PAN3: variants seen among roughly 807,000 people sequenced by gnomAD.
The protein encoded by PAN3 is PAN2-PAN3 deadenylation complex subunit PAN3.
Under a neutral mutation model 96.2 loss-of-function variants are expected in PAN3, and 19 were observed. The ratio of observed to expected loss-of-function variants is 0.20; its 90% confidence interval spans 0.14 to 0.29. The LOEUF (loss-of-function observed/expected upper bound fraction) is 0.29, where lower values mean the gene tolerates loss of function less well. Ranked by LOEUF, PAN3 falls within the 10% of genes least tolerant of loss-of-function variation. The pLI is 1.00. For synonymous variants in PAN3, 433 were observed against 406.6 expected (o/e 1.06, Z -0.78); for missense variants, 882 against 1,108.1 (o/e 0.80, Z 2.90).
At chr13:28,206,078 G>C (rs1475021098) in intron 5 of PAN3, among the ~76,000 whole-genome samples, 3 of 151,836 alleles carry the variant, frequency 2.0e-5, no homozygotes, top group Admixed American at 2.0e-4. Context: ...TAACTTATAA[G>C]CATTCCATGT....
At chr13:28,261,339 A>C in intron 8 of PAN3, 62 bp from the exon 9 acceptor site, 1 of 1,168,570 alleles carries the variant, frequency 8.6e-7, no homozygotes, top group Non-Finnish European at 1.2e-6. Context: ...ATTTAATTAT[A>C]ATAGGAATTC....
At chr13:28,200,398 T>C (rs1878555720) in intron 5 of PAN3, among the ~76,000 whole-genome samples, 1 of 152,184 alleles carries the variant, frequency 6.6e-6, no homozygotes, top group Admixed American at 6.5e-5. Context: ...CATCTTGGTC[T>C]TTTTCTACTT....
intron 1 of PAN3, among the ~76,000 whole-genome samples, chr13:28,141,889 C>G (rs1463204782): frequency 6.6e-6 from 1 of 152,096 alleles, no homozygotes; most frequent in Non-Finnish European, 1.5e-5. Flanking sequence ...AGCAGTGGCT[C>G]AAAGGTGGGA....
chr13:28,197,131 G>T lies in PAN3; in HGVS notation c.691-54G>T, dbSNP rs1193515919. The T allele has an allele frequency of 3.8e-6, 6 of 1,565,190 alleles. No individual in the cohort carries two copies. In the Admixed American group the frequency reaches 9.6e-5, roughly 25 times the overall value. On this transcript the variant is annotated intron_variant, in intron 4 of 18. Coordinates refer to ENST00000380958, the MANE Select transcript of PAN3 (RefSeq NM_175854.8). ...TGTATATGTTAGTTATGTTAGTTTA[G>T]ATTAGTGTGGGGGATGTTAGGAGTG...
intron 5 of PAN3, among the ~76,000 whole-genome samples, chr13:28,197,752 G>C (rs1252132827): frequency 6.6e-6 from 1 of 151,860 alleles, no homozygotes; most frequent in Non-Finnish European, 1.5e-5. Context: ...TGTATTTTTA[G>C]TAGAGATGGG....
chr13:28,148,477 G>A (rs1870960335), intron 1 of PAN3, among the ~76,000 whole-genome samples: 1 of 152,128 alleles, frequency 6.6e-6, no homozygotes, highest in Non-Finnish European at 1.5e-5. Context: ...AAAAATGCCA[G>A]TGTCAGAAAA....
chr13:28,222,802 T>C (rs1273146335), intron 6 of PAN3, among the ~76,000 whole-genome samples: 5 of 152,134 alleles, frequency 3.3e-5, no homozygotes, highest in Non-Finnish European at 5.9e-5. Flanking sequence ...AACTCATTGA[T>C]TTTAGTTACA....
intron 6 of PAN3, among the ~76,000 whole-genome samples, chr13:28,220,603 C>T (rs1031975467): frequency 2.0e-5 from 3 of 151,776 alleles, no homozygotes; most frequent in African/African-American, 7.3e-5. Flanking sequence ...ATATATAAAA[C>T]TCACAAAAAA....
intron 7 of PAN3, among the ~76,000 whole-genome samples, chr13:28,259,336 C>T (rs975398183): frequency 3.3e-5 from 5 of 150,616 alleles, no homozygotes; most frequent in Non-Finnish European, 3.0e-5. Context: ...GATGGAGTCT[C>T]GGCTCTGTCA....
In PAN3 at chr13:28,198,115, T is replaced by C. The variant is rs540455000; in HGVS notation, c.852+769T>C. On this transcript the variant is annotated intron_variant, in intron 5 of 18. Coordinates refer to ENST00000380958, the MANE Select transcript of PAN3 (RefSeq NM_175854.8). ...TGGTGAAACCCCGTCTCTACAAATA[T>C]ACAGAAAAGAAAAGAAAAATTTTAG... Among the ~76,000 whole-genome samples, 5 of 151,782 alleles carry C rather than the reference T, an allele frequency of 3.3e-5. No homozygotes were observed. The East Asian group carries it at 7.8e-4, about 24-fold the overall frequency.
At chr13:28,282,014 G>T (rs988321620) in intron 17 of PAN3, among the ~76,000 whole-genome samples, 2 of 152,138 alleles carry the variant, frequency 1.3e-5, no homozygotes, top group Admixed American at 1.3e-4. Flanking sequence ...GACTTCAGGT[G>T]ATCCACCTGC....
intron 5 of PAN3, among the ~76,000 whole-genome samples, chr13:28,203,648 T>G (rs1409152506): frequency 6.6e-6 from 1 of 152,108 alleles, no homozygotes; most frequent in East Asian, 1.9e-4. Flanking sequence ...ATAGACTTTT[T>G]GGGGCTTATT....
chr13:28,153,231 G>GTTT (rs1871617391), intron 1 of PAN3, among the ~76,000 whole-genome samples: 2 of 129,802 alleles, frequency 1.5e-5, no homozygotes, highest in African/African-American at 6.2e-5. Flanking sequence ...TGTATAATAC[G>GTTT]CTTTTTTTTT....
intron 1 of PAN3, among the ~76,000 whole-genome samples, chr13:28,167,082 A>ATTTTTT (rs1158467405): frequency 2.5e-5 from 3 of 118,332 alleles, no homozygotes; most frequent in Non-Finnish European, 5.4e-5. Context: ...TTTTATCTTA[A>ATTTTTT]TTTTTTTTTT....
intron 1 of PAN3, among the ~76,000 whole-genome samples, chr13:28,169,936 A>C (rs1466123747): frequency 1.3e-5 from 2 of 151,880 alleles, no homozygotes; most frequent in African/African-American, 4.8e-5. Context: ...AATCCCAGCT[A>C]CTTGGGAGGC....
chr13:28,231,520 A>G (rs1593522371), intron 6 of PAN3, among the ~76,000 whole-genome samples: 1 of 152,226 alleles, frequency 6.6e-6, no homozygotes, highest in Admixed American at 6.5e-5. Flanking sequence ...CAGTATTTCT[A>G]ATACCAGATA....
At chr13:28,221,625 G>A (rs1489916298) in intron 6 of PAN3, among the ~76,000 whole-genome samples, 2 of 152,028 alleles carry the variant, frequency 1.3e-5, no homozygotes, top group Non-Finnish European at 2.9e-5. Flanking sequence ...GATTTTGTCA[G>A]CGCCTCATTT....
At position 28,208,670 on chromosome 13, in the gene PAN3, C is replaced by A. The variant is rs45611634; in HGVS notation, c.852+11324C>A. 3.7e-3 allele frequency among the ~76,000 whole-genome samples: 570 copies of A among 152,186 alleles called. 2 individuals are homozygous for A. The highest frequency in any genetic ancestry group is 0.013 in the African/African-American group (538 of 41,518). The stretch of plus-strand genomic sequence containing the variant: ...AAAAGTTTCAGATTTTGGAGCATTT[C>A]AGATTTCAGATTTTCTGATTAGGGA... On this transcript the variant is annotated intron_variant, in intron 5 of 18. Transcript: ENST00000380958.
chr13:28,280,617 A>C, intron 16 of PAN3, 76 bp downstream of exon 16: 1 of 1,304,564 alleles, frequency 7.7e-7, no homozygotes, highest in Non-Finnish European at 1.0e-6. Flanking sequence ...GCTGGAGTGC[A>C]GTGGTGCTAT....
Sources: allele counts gnomAD v4.1 joint callset (sites outside exome capture counted in the v4.1 genomes callset), GRCh38; gene constraint gnomAD v4.1.1; transcripts MANE v1.5; gene names NCBI Gene and HGNC (gene_info 2026-07-23, HGNC 2026-07-21).